The following CDH13 variants were observed in gnomAD, a reference collection of about 807,000 sequenced individuals.
CDH13 encodes cadherin-13.
A neutral mutation model predicts 63.8 loss-of-function variants in CDH13; 24 were observed. The ratio of observed to expected loss-of-function variants is 0.38; its 90% confidence interval spans 0.27 to 0.53. The LOEUF is 0.53. Ranked by LOEUF, CDH13 falls within the 20% of genes least tolerant of loss-of-function variation. The pLI, the probability that CDH13 is intolerant of heterozygous loss-of-function variation, is 0.85. For missense variants in CDH13, 1,049 were observed against 903.1 expected (o/e 1.16, Z -2.07); for synonymous variants, 503 against 355.3 (o/e 1.42, Z -4.67).
intron 1 of CDH13, among the ~76,000 whole-genome samples, chr16:82,803,456 C>G (rs1404159881): frequency 7.0e-6 from 1 of 143,440 alleles, no homozygotes; most frequent in African/African-American, 2.4e-5. Flanking sequence ...GCAGCTCAGA[C>G]TCAGTTTTTT....
At chr16:83,350,157 C>A (rs2090921825) in intron 6 of CDH13, among the ~76,000 whole-genome samples, 2 of 152,178 alleles carry the variant, frequency 1.3e-5, no homozygotes, top group Non-Finnish European at 2.9e-5. Flanking sequence ...GCTCCAATAT[C>A]CTGTCCTCTT....
intron 5 of CDH13, among the ~76,000 whole-genome samples, chr16:83,340,437 C>T (rs1313683321): frequency 1.3e-5 from 2 of 152,144 alleles, no homozygotes. Context: ...AAATTCCTAG[C>T]AGGTGGCAAG....
At chr16:82,710,434 A>G (rs2151004824) in intron 1 of CDH13, among the ~76,000 whole-genome samples, 1 of 144,680 alleles carries the variant, frequency 6.9e-6, no homozygotes, top group East Asian at 2.0e-4. Flanking sequence ...CGGGAGGCTG[A>G]GACAGGAGAA....
intron 2 of CDH13, among the ~76,000 whole-genome samples, chr16:82,860,919 C>T (rs1455694243): frequency 6.6e-6 from 1 of 152,180 alleles, no homozygotes; most frequent in Non-Finnish European, 1.5e-5. Context: ...CAGTCTCACT[C>T]TCCCCTCTCT....
chr16:83,012,560 A>G (rs1914272124), intron 2 of CDH13, among the ~76,000 whole-genome samples: 2 of 152,088 alleles, frequency 1.3e-5, no homozygotes, highest in East Asian at 1.9e-4. Flanking sequence ...ACTCTCTACA[A>G]GAAAAAACTA....
At chr16:82,972,372 C>G (rs1908886272) in intron 2 of CDH13, among the ~76,000 whole-genome samples, 1 of 152,152 alleles carries the variant, frequency 6.6e-6, no homozygotes, top group South Asian at 2.1e-4. Context: ...TCCTTTTGTT[C>G]ATTCCATTTC....
intron 6 of CDH13, among the ~76,000 whole-genome samples, chr16:83,410,964 G>C (rs11645746): frequency 0.23 from 34,826 of 152,130 alleles, 4,267 homozygotes; most frequent in Middle Eastern, 0.35. Flanking sequence ...AGTCTTTGCC[G>C]AAATACACAG....
chr16:83,451,161 C>T (rs568414380), intron 6 of CDH13, among the ~76,000 whole-genome samples: 6 of 152,252 alleles, frequency 3.9e-5, no homozygotes, highest in South Asian at 2.1e-4. Context: ...TCTGTTCTCA[C>T]GCTGCTAATA....
In CDH13 at chr16:82,922,116, T is replaced by C. The variant is rs567844759; in HGVS notation, c.157+63643T>C. Among the ~76,000 whole-genome samples, 7 of 152,326 alleles carry C rather than the reference T, an allele frequency of 4.6e-5. No individual in the cohort carries two copies. In the South Asian group the frequency reaches 8.3e-4, roughly 18 times the overall value. On this transcript the variant is annotated intron_variant, in intron 2 of 13. Transcript: ENST00000567109. ...TGTAAGATCAGTGGTGGTATGCCCT[T>C]TGTTATTTATTAATTTGGTGATCTG... is the stretch of plus-strand genomic sequence containing the variant.
At chr16:83,299,635 G>A (rs1200021806) in intron 5 of CDH13, among the ~76,000 whole-genome samples, 1 of 152,182 alleles carries the variant, frequency 6.6e-6, no homozygotes, top group Non-Finnish European at 1.5e-5. Context: ...GTTTGTTAAA[G>A]CATCTCTTAA....
At chr16:83,717,355 G>A (rs1448969861) in intron 10 of CDH13, among the ~76,000 whole-genome samples, 2 of 152,098 alleles carry the variant, frequency 1.3e-5, no homozygotes, top group Non-Finnish European at 2.9e-5. Flanking sequence ...CCCACTTTTT[G>A]TATATATTTT....
rs4530122 is a variant in CDH13 at position 83,113,574 on chromosome 16, C to G, written c.367-11811C>G. Among the ~76,000 whole-genome samples the G allele has an allele frequency of 4.6e-5, 7 of 152,048 alleles. No homozygotes were observed. The East Asian group carries it at 7.7e-4, about 17-fold the overall frequency. On this transcript the variant is annotated intron_variant, in intron 3 of 13. Transcript: ENST00000567109. ...GCCTTGCATGAAAGACTGGCACTGA[C>G]GACACAGTGGCACTGAATGAACGTG...
chr16:83,084,058 G>T (rs1211709705), intron 3 of CDH13, among the ~76,000 whole-genome samples: 1 of 152,218 alleles, frequency 6.6e-6, no homozygotes, highest in African/African-American at 2.4e-5. Flanking sequence ...TGAACTGGCA[G>T]AAGAGGCTGT....
chr16:83,425,766 T>C (rs556514275), intron 6 of CDH13, among the ~76,000 whole-genome samples: 1 of 152,326 alleles, frequency 6.6e-6, no homozygotes, highest in African/African-American at 2.4e-5. Context: ...TCTCTTTTTC[T>C]TTCTTCCTTT....
chr16:83,072,697 C>T (rs1312421234), intron 3 of CDH13, among the ~76,000 whole-genome samples: 1 of 152,130 alleles, frequency 6.6e-6, no homozygotes, highest in Non-Finnish European at 1.5e-5. Context: ...GTGCATGGAG[C>T]AATGTCGTTA....
intron 10 of CDH13, among the ~76,000 whole-genome samples, chr16:83,746,955 C>T (rs1380084399): frequency 6.6e-6 from 1 of 152,136 alleles, no homozygotes; most frequent in Non-Finnish European, 1.5e-5. Context: ...AAGTCAAAAC[C>T]CCTTAAAACA....
chr16:83,704,224 A>G (rs1567531661), intron 10 of CDH13, among the ~76,000 whole-genome samples: 1 of 152,188 alleles, frequency 6.6e-6, no homozygotes, highest in Non-Finnish European at 1.5e-5. Context: ...GGTGTTTTCA[A>G]TGTCTTCTCT....
chr16:83,338,285 C>G (rs771640900), intron 5 of CDH13, among the ~76,000 whole-genome samples: 7 of 152,052 alleles, frequency 4.6e-5, no homozygotes, highest in Non-Finnish European at 8.8e-5. Flanking sequence ...GTCCACCAGC[C>G]TAGAGTCCAT....
At chr16:83,177,423 C>A (rs948095452) in intron 4 of CDH13, among the ~76,000 whole-genome samples, 1 of 152,226 alleles carries the variant, frequency 6.6e-6, no homozygotes, top group African/African-American at 2.4e-5. Context: ...ACATCAATCA[C>A]TTTCCTCAAA....
Sources: gnomAD v4.1 joint callset for allele counts (sites outside exome capture counted in the v4.1 genomes callset) on GRCh38, gnomAD v4.1.1 for gene constraint, MANE v1.5 for transcripts, NCBI Gene and HGNC (gene_info 2026-07-23, HGNC 2026-07-21) for gene names.